Variants in DARS1 observed in about 807,000 individuals in gnomAD.
DARS1 encodes the protein aspartate--tRNA ligase, cytoplasmic.
In DARS1, 51 loss-of-function variants were observed where a neutral mutation model predicts 68.8. That is an observed-to-expected ratio of 0.74 (90% CI 0.59 to 0.94). DARS1 has a LOEUF of 0.94. Among genes scored for constraint, DARS1 ranks in the 40% least tolerant of loss-of-function variants. The probability of loss-of-function intolerance (pLI) is 0.00; values close to 1 mark genes in which losing one functional copy is unlikely to be tolerated. For synonymous variants in DARS1, 203 were observed against 190.4 expected, an observed-to-expected ratio of 1.07 and a Z score of -0.55; for missense variants, 607 against 597.3, an observed-to-expected ratio of 1.02 and a Z score of -0.17.
intron 5 of DARS1, among the ~76,000 whole-genome samples, chr2:135,940,869 A>G (rs1270814205): frequency 1.3e-5 from 2 of 152,036 alleles, no homozygotes; most frequent in Admixed American, 6.6e-5. Context: ...ACCAATAACA[A>G]ACAAACAGAG....
At chr2:135,947,242 C>T (rs112138368) in intron 4 of DARS1, among the ~76,000 whole-genome samples, 2,264 of 151,926 alleles carry the variant, frequency 0.015, 66 homozygotes, top group African/African-American at 0.052. Context: ...CCAGTCTCTA[C>T]TAAAAATACA....
At chr2:135,950,908 CG>C (rs1329387762) in intron 4 of DARS1, among the ~76,000 whole-genome samples, 1 of 151,654 alleles carries the variant, frequency 6.6e-6, no homozygotes, top group Non-Finnish European at 1.5e-5. Flanking sequence ...AACAAAGGGG[CG>C]GGGAACAGTG....
At chr2:135,938,471 G>A (rs1044305916) in intron 5 of DARS1, among the ~76,000 whole-genome samples, 5 of 151,918 alleles carry the variant, frequency 3.3e-5, no homozygotes, top group African/African-American at 9.7e-5. Context: ...ATTATCTACC[G>A]TCTGAAGCCT....
At chr2:135,985,325 C>T in intron 1 of DARS1, 78 bp downstream of exon 1, 1 of 1,544,528 alleles carries the variant, frequency 6.5e-7, no homozygotes, top group African/African-American at 1.4e-5. Context: ...TGTAGGGCCC[C>T]ACTCCCCCTC....
chr2:135,979,095 G>T, intron 3 of DARS1, 179 bp downstream of exon 3: 1 of 454,974 alleles, frequency 2.2e-6, no homozygotes, highest in Non-Finnish European at 3.9e-6. Flanking sequence ...TTGTAAGGAT[G>T]TTTTACAGGA....
At chr2:135,976,129 G>A (rs1383747979) in intron 3 of DARS1, among the ~76,000 whole-genome samples, 1 of 152,062 alleles carries the variant, frequency 6.6e-6, no homozygotes, top group Non-Finnish European at 1.5e-5. Context: ...ATCATGTAGA[G>A]CTACATAAAA....
chr2:135,931,197 A>C (rs539806999), intron 7 of DARS1, among the ~76,000 whole-genome samples: 1 of 152,264 alleles, frequency 6.6e-6, no homozygotes, highest in East Asian at 1.9e-4. Flanking sequence ...CTTTGCTGAG[A>C]GTCTATGAAA....
chr2:135,961,573 C>T, intron 3 of DARS1, 75 bp from the exon 4 acceptor site: 1 of 856,106 alleles, frequency 1.2e-6, no homozygotes, highest in Non-Finnish European at 2.0e-6. Context: ...AAAATGCTCT[C>T]TACTTTAAAA....
chr2:135,985,112 G>C, intron 1 of DARS1: 1 of 499,698 alleles, frequency 2.0e-6, no homozygotes, highest in Non-Finnish European at 3.6e-6. Flanking sequence ...AGAGACTCAA[G>C]TGTGACGCCG....
chr2:135,932,913 T>C (rs1681384421), intron 6 of DARS1, 71 bp from the exon 7 acceptor site: 3 of 759,836 alleles, frequency 3.9e-6, no homozygotes, highest in Admixed American at 2.3e-5. Context: ...AAAATACTTT[T>C]AGAAGCCATG....
intron 5 of DARS1, among the ~76,000 whole-genome samples, chr2:135,936,150 G>C (rs558899820): frequency 6.6e-6 from 1 of 152,140 alleles, no homozygotes; most frequent in Non-Finnish European, 1.5e-5. Context: ...GTAACTGCTG[G>C]CTGAATAAAT....
rs536036398 is a variant in DARS1 at position 135,911,700 on chromosome 2, C to A, written c.1231-207G>T. ...TCAGATTCTGTGCTCTCCTCCCACA[C>A]CCCCCAATAACAAATCAGAGCATCA... On this transcript the variant is annotated intron_variant, in intron 13 of 15. Coordinates refer to ENST00000264161, the MANE Select transcript of DARS1 (RefSeq NM_001349.4). 28 of 434,692 alleles carry A rather than the reference C, an allele frequency of 6.4e-5. 1 individual carries two copies. The South Asian group carries it at 1.1e-3, about 16-fold the overall frequency. 26.9% of individuals were successfully genotyped at this position (434,692 alleles called of 1,614,324 possible). A position where few individuals can be genotyped will look rare whatever the true frequency, so the allele number is the denominator to read the frequency against.
chr2:135,953,826 A>AT (rs1243114370), intron 4 of DARS1, among the ~76,000 whole-genome samples: 2 of 152,120 alleles, frequency 1.3e-5, no homozygotes, highest in African/African-American at 2.4e-5. Flanking sequence ...CTCCTTTGGA[A>AT]TTTTTAGCAG....
chr2:135,937,505 TTATTA>T (rs1387915447), intron 5 of DARS1, among the ~76,000 whole-genome samples: 2 of 152,224 alleles, frequency 1.3e-5, no homozygotes, highest in African/African-American at 4.8e-5. Context: ...AGAAAAGTAA[TTATTA>T]TAAGACTAAG....
In DARS1 at chr2:135,906,510, A is replaced by G. The variant is rs2104788736; in HGVS notation, c.*806T>C. On this transcript the variant is annotated 3_prime_UTR_variant, in exon 16 of 16. Coordinates refer to ENST00000264161, the MANE Select transcript of DARS1 (RefSeq NM_001349.4). ...TCAACCGACCCAAGCTGTCAACTTT[A>G]AGAGCTCTATCCCTACGCCCATCTA... Among the ~76,000 whole-genome samples the G allele has an allele frequency of 6.6e-6, 1 of 152,302 alleles. No homozygotes were observed. The highest frequency in any genetic ancestry group is 1.9e-4 in the East Asian group (1 of 5,194).
At position 135,914,487 on chromosome 2, in the gene DARS1, AC is replaced by A; in HGVS notation, c.1130del (p.Gly377ValfsTer4). 6.9e-7 allele frequency: 1 copy of A among 1,454,870 alleles called. No homozygotes were observed. Among genetic ancestry groups the A allele is most frequent in the Non-Finnish European group, 9.7e-7 (1 of 1,034,808 alleles). 90.1% of individuals were successfully genotyped at this position (1,454,870 alleles called of 1,614,324 possible). A position where few individuals can be genotyped will look rare whatever the true frequency, so the allele number is the denominator to read the frequency against. The stretch of plus-strand genomic sequence containing the variant: ...GTCCTACCTTTTCCTTTACCAAATG[AC>A]CCAACAGCTTTTCATTTGGTGTGCT... Reference protein sequence around the residue: ...DLSTPNEKLLGHLVKEKYDTD... With the variant: ...DLSTPNEKLLXHLVKEKYDTD... On this transcript the variant is annotated frameshift_variant, in exon 12 of 16. Transcript: ENST00000264161. LOFTEE classifies it high-confidence loss of function.
intron 6 of DARS1, among the ~76,000 whole-genome samples, chr2:135,933,456 C>T (rs1681397112): frequency 1.3e-5 from 2 of 151,930 alleles, no homozygotes; most frequent in African/African-American, 2.4e-5. Context: ...GAATGTCATC[C>T]GAAGGATGAG....
In DARS1 at chr2:135,932,855, A is replaced by G. The variant is rs371309040; in HGVS notation, c.505-13T>C. 0.16 allele frequency: 192,755 copies of G among 1,191,874 alleles called. 21,424 individuals are homozygous for G. The highest frequency in any genetic ancestry group is 0.36 in the Middle Eastern group (1,787 of 4,926). The allele number at this position is 1,191,874 out of a possible 1,614,324, so 73.8% of individuals were successfully genotyped here. On this transcript the variant is annotated splice_polypyrimidine_tract_variant and intron_variant, in intron 6 of 15. Coordinates refer to ENST00000264161, the MANE Select transcript of DARS1 (RefSeq NM_001349.4). ...TAGCTCTTCCTTCCTAAAAAAAAAA[A>G]AAAAGAAAAGAAAAAAATAAATTTT...
intron 7 of DARS1, among the ~76,000 whole-genome samples, chr2:135,925,435 T>C (rs1681193644): frequency 6.6e-6 from 1 of 152,186 alleles, no homozygotes; most frequent in Non-Finnish European, 1.5e-5. Context: ...TTCTCCCATA[T>C]CAAAGGGCTC....
Sources: allele counts gnomAD v4.1 joint callset (sites outside exome capture counted in the v4.1 genomes callset), GRCh38; gene constraint gnomAD v4.1.1; transcripts MANE v1.5; gene names NCBI Gene and HGNC (gene_info 2026-07-23, HGNC 2026-07-21).